The following MYO5B variants were observed in gnomAD, a reference collection of about 807,000 sequenced individuals.
The protein encoded by MYO5B is unconventional myosin-Vb.
A neutral mutation model predicts 229.3 loss-of-function variants in MYO5B; 143 were observed. That is an observed-to-expected ratio of 0.62 (90% CI 0.54 to 0.72). The LOEUF (loss-of-function observed/expected upper bound fraction) is 0.72, where lower values mean the gene tolerates loss of function less well. Ranked by LOEUF, MYO5B falls within the 30% of genes least tolerant of loss-of-function variation. The pLI is 0.00. For missense variants in MYO5B, 2,321 were observed against 2,331.0 expected (o/e 1.00, Z 0.09); for synonymous variants, 918 against 885.2 (o/e 1.04, Z -0.66).
intron 4 of MYO5B, among the ~76,000 whole-genome samples, chr18:50,004,423 G>C (rs1380956994): frequency 6.6e-6 from 1 of 152,208 alleles, no homozygotes; most frequent in Non-Finnish European, 1.5e-5. Context: ...CACCAGTAGT[G>C]CTAATTCTGC....
At chr18:49,941,552 C>T (rs571114006) in intron 14 of MYO5B, among the ~76,000 whole-genome samples, 1 of 152,162 alleles carries the variant, frequency 6.6e-6, no homozygotes, top group Non-Finnish European at 1.5e-5. Context: ...TGTTGTCAGG[C>T]AGGTACCCTG....
chr18:50,118,088 A>G (rs140130937), intron 1 of MYO5B, among the ~76,000 whole-genome samples: 2 of 152,290 alleles, frequency 1.3e-5, no homozygotes, highest in African/African-American at 2.4e-5. Context: ...CCTTCACTCA[A>G]TGCAATCAAG....
intron 14 of MYO5B, among the ~76,000 whole-genome samples, chr18:49,937,782 T>G (rs1230987876): frequency 2.7e-5 from 4 of 147,446 alleles, no homozygotes; most frequent in Admixed American, 6.9e-5. Flanking sequence ...ATCCAGGGAA[T>G]AGAAAGTAGG....
intron 1 of MYO5B, among the ~76,000 whole-genome samples, chr18:50,146,066 T>C (rs1301265873): frequency 2.6e-5 from 4 of 152,234 alleles, no homozygotes; most frequent in Non-Finnish European, 5.9e-5. Context: ...CTTAAGACAG[T>C]AGCTCAGTTT....
In MYO5B at chr18:49,875,706, T is replaced by C; in HGVS notation, c.3518A>G (p.Gln1173Arg). Residue 1173 changes from glutamine to arginine, a missense_variant, in exon 26 of 40, where the codon CAG (glutamine) becomes CGG (arginine). Physicochemically the swap from Gln to Arg is conservative, Grantham distance 43. Around this residue, in one of 2 missense-constraint regions of MYO5B, gnomAD observed 2,113 missense variants for 2,044.7 expected, o/e 1.03. Coordinates refer to ENST00000285039, the MANE Select transcript of MYO5B (RefSeq NM_001080467.3). ...LQVQLEKREQ[Q>R]DSKKVQAEPP... ...ACGTACCTGGACTTTCTTGCTGTCCTGCTGTTCTCTCTTCTCCAGCTGCAC... is the reference window on the plus strand; with the variant it reads ...ACGTACCTGGACTTTCTTGCTGTCCCGCTGTTCTCTCTTCTCCAGCTGCAC... The C allele has an allele frequency of 6.2e-7, 1 of 1,614,192 alleles. No individual in the cohort carries two copies. Among genetic ancestry groups the C allele is most frequent in the Admixed American group, 1.7e-5 (1 of 60,028 alleles).
At chr18:49,843,169 A>C in intron 34 of MYO5B, 72 bp downstream of exon 34, 1 of 1,593,390 alleles carries the variant, frequency 6.3e-7, no homozygotes, top group South Asian at 1.1e-5. Flanking sequence ...ACCCAGACAC[A>C]GAGAAGCAAC....
chr18:49,990,580 C>A, intron 6 of MYO5B, 60 bp from the exon 7 acceptor site: 1 of 1,406,340 alleles, frequency 7.1e-7, no homozygotes, highest in Non-Finnish European at 1.0e-6. Context: ...GTTCCCTCTG[C>A]CACTGTAATC....
chr18:50,042,545 G>A (rs2030051604), intron 2 of MYO5B, among the ~76,000 whole-genome samples: 1 of 152,114 alleles, frequency 6.6e-6, no homozygotes, highest in South Asian at 2.1e-4. Flanking sequence ...CTATCATGTA[G>A]ACGATGCAGA....
At chr18:49,895,232 A>G in intron 21 of MYO5B, 58 bp from the exon 22 acceptor site, 1 of 1,441,138 alleles carries the variant, frequency 6.9e-7, no homozygotes, top group Non-Finnish European at 9.7e-7. Flanking sequence ...AGAAAAGGTT[A>G]TTTTACCAGG....
intron 1 of MYO5B, among the ~76,000 whole-genome samples, chr18:50,176,357 G>A (rs143735555): frequency 6.6e-6 from 1 of 152,118 alleles, no homozygotes; most frequent in East Asian, 1.9e-4. Flanking sequence ...TCCTCAATGA[G>A]CTTGTCAATG....
rs373775067 is a variant in MYO5B at position 50,170,578 on chromosome 18, C to T, written c.27+24189G>A. 1.3e-4 allele frequency among the ~76,000 whole-genome samples: 16 copies of T among 126,890 alleles called. 4 individuals are homozygous for T. Among genetic ancestry groups the T allele is most frequent in the African/African-American group, 4.8e-4 (16 of 33,424 alleles). The allele number at this position is 126,890 out of a possible 152,430, so 83.2% of individuals were successfully genotyped here. ...AAAGTTTCATTTTACCACTATTTTG[C>T]TTTCTTCTCACTCCGAACAGTACTG... On this transcript the variant is annotated intron_variant, in intron 1 of 39. Transcript: ENST00000285039.
intron 39 of MYO5B, among the ~76,000 whole-genome samples, chr18:49,833,800 A>G (rs561902082): frequency 6.6e-6 from 1 of 152,156 alleles, no homozygotes; most frequent in Non-Finnish European, 1.5e-5. Flanking sequence ...TCTGTCATCA[A>G]ACTCTTCCCA....
chr18:50,008,102 A>G (rs957712873), intron 4 of MYO5B, among the ~76,000 whole-genome samples: 1 of 152,196 alleles, frequency 6.6e-6, no homozygotes, highest in African/African-American at 2.4e-5. Context: ...TGTATAATAA[A>G]GCAGCCTTTA....
intron 25 of MYO5B, chr18:49,876,306 C>T (rs181040823): frequency 4.2e-5 from 11 of 261,824 alleles, no homozygotes; most frequent in East Asian, 4.1e-4. Flanking sequence ...TGCTCTGCCC[C>T]GGAACCTATT....
rs777432556 is a variant in MYO5B at position 49,937,283 on chromosome 18, C to A, written c.1867G>T (p.Val623Phe). The change falls in exon 15 of 40, where the codon GTC becomes TTC. Residue 623 changes from valine to phenylalanine, a missense_variant. By Grantham distance (50) the Val-to-Phe change is conservative. This residue lies in a region of MYO5B where 2,113 missense variants were observed against 2,044.7 expected (regional missense o/e 1.03). Transcript: ENST00000285039. ...SVRSARPPMK[V>F]SNKEHKKTVG... ...GTTTTCTTGTGCTCCTTGTTGGAGACTTTCATGGGGGGTCTGGCAGAACGG... is the reference window on the plus strand; with the variant it reads ...GTTTTCTTGTGCTCCTTGTTGGAGAATTTCATGGGGGGTCTGGCAGAACGG... The A allele has an allele frequency of 1.2e-6, 2 of 1,614,012 alleles. No individual in the cohort carries two copies. Among genetic ancestry groups the A allele is most frequent in the Non-Finnish European group, 1.7e-6 (2 of 1,180,018 alleles).
Position 49,974,613 on chromosome 18 carries a change from G to A in MYO5B, c.1059C>T (p.Pro353=). 2 of 1,613,010 alleles carry A rather than the reference G, an allele frequency of 1.2e-6. No individual in the cohort carries two copies. The highest frequency in any genetic ancestry group is 1.7e-6 in the Non-Finnish European group (2 of 1,179,366). ...AGAAGTTGCTTAGGTATACATCCTG[G>A]GGCTGTGGGAGATGGGGGAGATAGG... is the stretch of plus-strand genomic sequence containing the variant. ...ERDGDSCSIS[P]QDVYLSNFCR... is the part of the protein sequence containing the mutation. Residue 353 remains proline (P), a splice_region_variant and synonymous_variant, in exon 10 of 40, where the codon CCC becomes CCT. Transcript: ENST00000285039.
At chr18:49,929,656 C>T (rs1381398653) in intron 16 of MYO5B, 58 bp from the exon 17 acceptor site, 1 of 1,437,952 alleles carries the variant, frequency 7.0e-7, no homozygotes, top group Non-Finnish European at 9.5e-7. Flanking sequence ...GCCACATTTG[C>T]AAAAAAGAAA....
At chr18:50,039,056 A>T (rs1207577720) in intron 3 of MYO5B, among the ~76,000 whole-genome samples, 1 of 152,148 alleles carries the variant, frequency 6.6e-6, no homozygotes, top group Non-Finnish European at 1.5e-5. Flanking sequence ...GGAATATAAA[A>T]GTGAAAAACC....
At chr18:50,137,131 C>T (rs1239837522) in intron 1 of MYO5B, among the ~76,000 whole-genome samples, 1 of 151,936 alleles carries the variant, frequency 6.6e-6, no homozygotes, top group African/African-American at 2.4e-5. Flanking sequence ...TCAAGCATTG[C>T]AAAAAGAACA....
Sources: allele counts gnomAD v4.1 joint callset (sites outside exome capture counted in the v4.1 genomes callset), GRCh38; gene constraint gnomAD v4.1.1; regional missense constraint gnomAD v4.1.1; transcripts MANE v1.5; gene names NCBI Gene and HGNC (gene_info 2026-07-23, HGNC 2026-07-21).